The following KLHL2 variants were observed in gnomAD, a reference collection of about 807,000 sequenced individuals.
KLHL2 encodes the protein kelch like family member 2, also known as kelch-like protein 2.
A neutral mutation model predicts 75.8 loss-of-function variants in KLHL2; 15 were observed. The observed-to-expected ratio is 0.20, with a 90% confidence interval of 0.13 to 0.30. The LOEUF (loss-of-function observed/expected upper bound fraction) is 0.30. Among genes scored for constraint, KLHL2 ranks in the 10% least tolerant of loss-of-function variants. The pLI is 1.00. For missense variants in KLHL2, 381 were observed against 741.0 expected, an observed-to-expected ratio of 0.51 and a Z score of 5.64; for synonymous variants, 214 against 251.9, an observed-to-expected ratio of 0.85 and a Z score of 1.42.
chr4:165,258,382 T>C (rs1354195589), intron 4 of KLHL2, among the ~76,000 whole-genome samples: 2 of 138,642 alleles, frequency 1.4e-5, no homozygotes, highest in Admixed American at 7.2e-5. Context: ...TGATGGTCTG[T>C]GCTTAACTAT....
chr4:165,251,633 G>A (rs1332735232), intron 4 of KLHL2, among the ~76,000 whole-genome samples: 4 of 132,670 alleles, frequency 3.0e-5, no homozygotes, highest in Non-Finnish European at 4.8e-5. Flanking sequence ...TTTTTGAGAC[G>A]GAGTCTCGCT....
chr4:165,238,470 A>C (rs1739541168), intron 3 of KLHL2, among the ~76,000 whole-genome samples: 2 of 152,246 alleles, frequency 1.3e-5, no homozygotes, highest in Admixed American at 6.5e-5. Context: ...ACAAGTGCCC[A>C]AAAGCAGGGA....
chr4:165,322,985 G>A lies in KLHL2; in HGVS notation c.*925G>A, dbSNP rs1158543279. On this transcript the variant is annotated 3_prime_UTR_variant, in exon 15 of 15. Transcript: ENST00000226725. ...TTGCATGGTCTTCGGAATTTTTTCT[G>A]TGTGTATAAATTTAGCTGCTATTAA... The A allele has an allele frequency of 1.3e-5, 2 of 152,528 alleles. No homozygotes were observed. Among genetic ancestry groups the A allele is most frequent in the African/African-American group, 4.8e-5 (2 of 41,422 alleles). 9.4% of individuals were successfully genotyped at this position (152,528 alleles called of 1,614,324 possible).
At chr4:165,312,294 A>G (rs1746266778) in intron 11 of KLHL2, among the ~76,000 whole-genome samples, 2 of 152,294 alleles carry the variant, frequency 1.3e-5, no homozygotes, top group South Asian at 4.1e-4. Context: ...TGGGGGAACA[A>G]TTCAGGTGAC....
At chr4:165,288,991 A>G (rs1744302962) in intron 5 of KLHL2, among the ~76,000 whole-genome samples, 1 of 152,172 alleles carries the variant, frequency 6.6e-6, no homozygotes, top group South Asian at 2.1e-4. Flanking sequence ...GGCATCAAGA[A>G]CATATAAAAT....
At chr4:165,310,032 A>AT (rs1180180206) in intron 9 of KLHL2, among the ~76,000 whole-genome samples, 1 of 152,180 alleles carries the variant, frequency 6.6e-6, no homozygotes, top group Non-Finnish European at 1.5e-5. Context: ...ATGCCATTGC[A>AT]TTTTTTAATA....
At chr4:165,303,477 G>A (rs1242973652) in intron 8 of KLHL2, among the ~76,000 whole-genome samples, 5 of 118,276 alleles carry the variant, frequency 4.2e-5, no homozygotes, top group Non-Finnish European at 9.7e-5. Flanking sequence ...TCCCAATTCT[G>A]TAATTTTTAC....
chr4:165,258,120 A>G (rs1214823497), intron 4 of KLHL2, among the ~76,000 whole-genome samples: 2 of 152,204 alleles, frequency 1.3e-5, no homozygotes, highest in Non-Finnish European at 2.9e-5. Flanking sequence ...TTTTTCCTAG[A>G]GGCAGATGTA....
At chr4:165,287,113 T>G (rs1316136573) in intron 5 of KLHL2, among the ~76,000 whole-genome samples, 1 of 152,222 alleles carries the variant, frequency 6.6e-6, no homozygotes, top group Non-Finnish European at 1.5e-5. Context: ...ACGTCTTCAT[T>G]TTGCAAAACT....
intron 1 of KLHL2, among the ~76,000 whole-genome samples, 167 bp downstream of exon 1, chr4:165,208,069 G>T (rs1736951201): frequency 6.6e-6 from 1 of 151,820 alleles, no homozygotes; most frequent in Admixed American, 6.5e-5. Context: ...GGACGCGGAC[G>T]GAAACTCAGC....
intron 4 of KLHL2, among the ~76,000 whole-genome samples, chr4:165,246,832 G>A (rs1740302196): frequency 6.6e-6 from 1 of 152,198 alleles, no homozygotes; most frequent in Non-Finnish European, 1.5e-5. Context: ...TCAGGTTAGG[G>A]AGGTAGATTT....
chr4:165,264,704 G>GTGTGTGTATATATATATATATA (rs1323043527), intron 5 of KLHL2, among the ~76,000 whole-genome samples: 1 of 82,842 alleles, frequency 1.2e-5, no homozygotes, highest in Non-Finnish European at 2.2e-5. Flanking sequence ...GTGTGTGTGT[G>GTGTGTGTATATATATATATATA]TATATATATA....
chr4:165,266,548 T>G (rs1315595105), intron 5 of KLHL2, among the ~76,000 whole-genome samples: 1 of 152,204 alleles, frequency 6.6e-6, no homozygotes, highest in East Asian at 1.9e-4. Context: ...GGCTAGCCTG[T>G]TTTCCCAGCA....
intron 3 of KLHL2, among the ~76,000 whole-genome samples, chr4:165,232,769 G>A (rs1329031786): frequency 6.6e-6 from 1 of 150,584 alleles, no homozygotes; most frequent in African/African-American, 2.4e-5. Context: ...AAAAAAAGAA[G>A]ACACGGGGAT....
chr4:165,211,997 T>G (rs565114751), intron 1 of KLHL2, among the ~76,000 whole-genome samples: 31 of 152,334 alleles, frequency 2.0e-4, no homozygotes, highest in African/African-American at 5.5e-4. Context: ...ACCACTGAAC[T>G]TCTTTCTTAA....
At chr4:165,298,602 C>T (rs1560817814) in intron 7 of KLHL2, among the ~76,000 whole-genome samples, 1 of 152,032 alleles carries the variant, frequency 6.6e-6, no homozygotes, top group Non-Finnish European at 1.5e-5. Context: ...AATCTCATTA[C>T]TTTTTGTGAT....
intron 5 of KLHL2, among the ~76,000 whole-genome samples, chr4:165,270,373 A>T (rs1404385202): frequency 1.3e-5 from 2 of 152,170 alleles, no homozygotes; most frequent in East Asian, 1.9e-4. Context: ...GCTGCCGAGG[A>T]GCTGCGATCC....
At chr4:165,292,931 T>C (rs540939749) in intron 5 of KLHL2, among the ~76,000 whole-genome samples, 37 of 152,348 alleles carry the variant, frequency 2.4e-4, no homozygotes, top group African/African-American at 8.9e-4. Flanking sequence ...ATCCTTACTC[T>C]CTACAGACAC....
chr4:165,281,517 G>A (rs1378069544), intron 5 of KLHL2, among the ~76,000 whole-genome samples: 2 of 152,004 alleles, frequency 1.3e-5, no homozygotes. Flanking sequence ...GGGGTTCACT[G>A]TGTTAGCCAG....
Sources: gnomAD v4.1 joint callset for allele counts (sites outside exome capture counted in the v4.1 genomes callset) on GRCh38, gnomAD v4.1.1 for gene constraint, MANE v1.5 for transcripts, NCBI Gene and HGNC (gene_info 2026-07-23, HGNC 2026-07-21) for gene names.